MYO1D: variants seen among roughly 807,000 people sequenced by gnomAD.
The protein encoded by MYO1D is unconventional myosin-Id.
In MYO1D, 83 loss-of-function variants were observed where a neutral mutation model predicts 122.0. The ratio of observed to expected loss-of-function variants is 0.68; its 90% CI spans 0.57 to 0.82. MYO1D has a LOEUF of 0.82. Among genes scored for constraint, MYO1D ranks in the 40% least tolerant of loss-of-function variants. The probability of loss-of-function intolerance (pLI) is 0.00; values close to 1 mark genes in which losing one functional copy is unlikely to be tolerated. For missense variants in MYO1D, 1,157 were observed against 1,269.5 expected, an observed-to-expected ratio of 0.91 and a Z score of 1.35; for synonymous variants, 464 against 446.9, an observed-to-expected ratio of 1.04 and a Z score of -0.48.
intron 21 of MYO1D, among the ~76,000 whole-genome samples, chr17:32,537,111 T>A (rs1910686523): frequency 2.0e-5 from 3 of 152,210 alleles, no homozygotes. Context: ...CCTATATTAA[T>A]GACATCTAAA....
chr17:32,654,216 TGTAAG>T (rs1597975460), intron 18 of MYO1D, among the ~76,000 whole-genome samples: 1 of 152,192 alleles, frequency 6.6e-6, no homozygotes, highest in South Asian at 2.1e-4. Flanking sequence ...CACTGAATGA[TGTAAG>T]GGAAGGTTTA....
chr17:32,551,156 G>A (rs933142817), intron 21 of MYO1D, among the ~76,000 whole-genome samples: 1 of 152,094 alleles, frequency 6.6e-6, no homozygotes, highest in Admixed American at 6.6e-5. Context: ...GATAATGAAT[G>A]ACTTCTAGGG....
At chr17:32,739,703 C>G (rs1431460319) in intron 13 of MYO1D, among the ~76,000 whole-genome samples, 1 of 152,108 alleles carries the variant, frequency 6.6e-6, no homozygotes, top group East Asian at 1.9e-4. Flanking sequence ...GCTAATTGCT[C>G]TTACTACTGC....
At chr17:32,586,314 T>C (rs1032162989) in intron 21 of MYO1D, among the ~76,000 whole-genome samples, 14 of 152,334 alleles carry the variant, frequency 9.2e-5, no homozygotes, top group Middle Eastern at 3.4e-3. Flanking sequence ...TCATCTCCAC[T>C]CTAGTGTTGC....
At chr17:32,625,621 C>T (rs903386284) in intron 20 of MYO1D, among the ~76,000 whole-genome samples, 1 of 151,888 alleles carries the variant, frequency 6.6e-6, no homozygotes. Context: ...GCGATCTTAG[C>T]TTACTGCAAC....
Position 32,768,204 on chromosome 17 carries a change from C to T in MYO1D, c.715-452G>A, listed in dbSNP as rs181626396. On this transcript the variant is annotated intron_variant, in intron 6 of 21. Transcript: ENST00000318217. Reference sequence around the variant, plus strand: ...AACACTTCACTCTCGTATAATCAGGCGGTTTATTTTCCAGGTGAGGCAAGG... The same window carrying T: ...AACACTTCACTCTCGTATAATCAGGTGGTTTATTTTCCAGGTGAGGCAAGG... 1.1e-3 allele frequency among the ~76,000 whole-genome samples: 172 copies of T among 152,320 alleles called. 1 individual carries two copies. Among genetic ancestry groups the T allele is most frequent in the African/African-American group, 3.9e-3 (163 of 41,566 alleles).
intron 12 of MYO1D, among the ~76,000 whole-genome samples, chr17:32,747,412 A>G (rs2089848919): frequency 1.3e-5 from 2 of 152,160 alleles, no homozygotes; most frequent in Admixed American, 6.5e-5. Context: ...CAAAAGTTTC[A>G]TATCAAATTC....
intron 3 of MYO1D, among the ~76,000 whole-genome samples, chr17:32,777,804 G>A (rs895478809): frequency 3.9e-5 from 6 of 152,044 alleles, no homozygotes; most frequent in African/African-American, 1.2e-4. Context: ...CGCAGTGGCC[G>A]GTGCCTGTAG....
intron 21 of MYO1D, among the ~76,000 whole-genome samples, chr17:32,528,715 CAGG>C (rs1280893963): frequency 6.6e-6 from 1 of 151,924 alleles, no homozygotes; most frequent in African/African-American, 2.4e-5. Flanking sequence ...CTGACACAGA[CAGG>C]AGGAGGAGGA....
intron 2 of MYO1D, among the ~76,000 whole-genome samples, chr17:32,779,139 A>G (rs1304530769): frequency 6.6e-6 from 1 of 152,192 alleles, no homozygotes; most frequent in African/African-American, 2.4e-5. Flanking sequence ...CCAATTTTGA[A>G]GTATCTTCGA....
intron 21 of MYO1D, 140 bp downstream of exon 21, chr17:32,604,947 C>T (rs530080133): frequency 4.3e-5 from 34 of 799,868 alleles, no homozygotes; most frequent in African/African-American, 2.3e-4. Context: ...TTACCTTCTG[C>T]GAAACAGATG....
chr17:32,807,770 T>C (rs1350963208), intron 1 of MYO1D, among the ~76,000 whole-genome samples: 1 of 152,122 alleles, frequency 6.6e-6, no homozygotes, highest in African/African-American at 2.4e-5. Flanking sequence ...GTCCCCTGGA[T>C]TGACAGAAAA....
chr17:32,768,395 G>A (rs189115554), intron 6 of MYO1D, among the ~76,000 whole-genome samples: 37 of 152,272 alleles, frequency 2.4e-4, no homozygotes, highest in Admixed American at 2.4e-3. Context: ...TTAGAGCTGT[G>A]GCCATCACAT....
intron 13 of MYO1D, among the ~76,000 whole-genome samples, chr17:32,738,930 T>C (rs891380543): frequency 1.3e-5 from 2 of 152,200 alleles, no homozygotes; most frequent in African/African-American, 2.4e-5. Flanking sequence ...ATCCCTTTAC[T>C]GCAGTTCAAA....
intron 21 of MYO1D, among the ~76,000 whole-genome samples, chr17:32,514,421 G>A (rs1310088264): frequency 6.6e-6 from 1 of 152,046 alleles, no homozygotes; most frequent in Non-Finnish European, 1.5e-5. Flanking sequence ...TTCAATGTTA[G>A]TCTTTTATTT....
intron 20 of MYO1D, among the ~76,000 whole-genome samples, chr17:32,608,595 A>T (rs956019373): frequency 1.3e-5 from 2 of 152,264 alleles, no homozygotes; most frequent in Admixed American, 1.3e-4. Context: ...GTGGTTGTTA[A>T]CTCAAAAAAT....
intron 1 of MYO1D, among the ~76,000 whole-genome samples, chr17:32,803,825 G>C (rs953594722): frequency 1.3e-5 from 2 of 152,178 alleles, no homozygotes; most frequent in Non-Finnish European, 2.9e-5. Flanking sequence ...AGCTTTTAAA[G>C]GAATCTTACA....
chr17:32,864,736 A>G (rs566940630), intron 1 of MYO1D, among the ~76,000 whole-genome samples: 1 of 152,308 alleles, frequency 6.6e-6, no homozygotes, highest in Non-Finnish European at 1.5e-5. Flanking sequence ...TACATAAAAT[A>G]TAGTAAATGC....
intron 21 of MYO1D, among the ~76,000 whole-genome samples, chr17:32,503,925 T>A (rs1216012079): frequency 3.9e-5 from 6 of 152,222 alleles, no homozygotes; most frequent in African/African-American, 1.4e-4. Context: ...TCTGTTTATG[T>A]CAGGGTCGAA....
Sources: allele counts gnomAD v4.1 joint callset (sites outside exome capture counted in the v4.1 genomes callset), GRCh38; gene constraint gnomAD v4.1.1; transcripts MANE v1.5; gene names NCBI Gene and HGNC (gene_info 2026-07-23, HGNC 2026-07-21).